MDGA2: variants seen among roughly 807,000 people sequenced by gnomAD.
MDGA2 encodes MAM domain containing glycosylphosphatidylinositol anchor 2.
A neutral mutation model predicts 117.8 loss-of-function variants in MDGA2; 40 were observed. The observed-to-expected ratio is 0.34, with a 90% CI of 0.26 to 0.44. The LOEUF (loss-of-function observed/expected upper bound fraction) is 0.44. MDGA2 is among the 20% of genes least tolerant of loss of function. The pLI, the probability that MDGA2 is intolerant of heterozygous loss-of-function variation, is 1.00. For missense variants in MDGA2, 1,123 were observed against 1,250.6 expected, an observed-to-expected ratio of 0.90 and a Z score of 1.54; for synonymous variants, 452 against 439.0, an observed-to-expected ratio of 1.03 and a Z score of -0.37.
chr14:47,476,928 G>A (rs1045462903), intron 1 of MDGA2, among the ~76,000 whole-genome samples: 2 of 152,158 alleles, frequency 1.3e-5, no homozygotes, highest in Admixed American at 6.5e-5. Context: ...TTGGGAGGCC[G>A]AGGCGGGTGT....
chr14:47,484,354 T>C (rs1009141962), intron 1 of MDGA2, among the ~76,000 whole-genome samples: 1 of 152,194 alleles, frequency 6.6e-6, no homozygotes. Context: ...GGTTGCAAAA[T>C]AAAGTCAAGT....
chr14:46,955,781 TG>T (rs1342669362), intron 9 of MDGA2, among the ~76,000 whole-genome samples: 1 of 120,794 alleles, frequency 8.3e-6, no homozygotes, highest in Non-Finnish European at 1.6e-5. Context: ...ACAAAATTCA[TG>T]GTAAGTGGAA....
At chr14:46,979,741 A>G (rs371481629) in intron 8 of MDGA2, among the ~76,000 whole-genome samples, 30 of 152,304 alleles carry the variant, frequency 2.0e-4, no homozygotes, top group African/African-American at 7.2e-4. Flanking sequence ...TGCAGAAGAA[A>G]AGTTTGAAGC....
rs56176876 is a variant in MDGA2, at chr14:47,456,294, C to CTTT, written c.281-154747_281-154745dup. Reference sequence around the variant, plus strand: ...CAGTGTGAGCAAGAAAATTGTTTACCTTTTTTTTTTTTTTTGAGAAGGAGT... The same window carrying CTTT: ...CAGTGTGAGCAAGAAAATTGTTTACCTTTTTTTTTTTTTTTTTTGAGAAGGAGT... On this transcript the variant is annotated intron_variant, in intron 1 of 16. Transcript: ENST00000399232. 1.9e-3 allele frequency among the ~76,000 whole-genome samples: 270 copies of CTTT among 140,602 alleles called. 8 individuals carry two copies. Among genetic ancestry groups the CTTT allele is most frequent in the East Asian group, 7.4e-3 (35 of 4,718 alleles). 92.2% of individuals were successfully genotyped at this position (140,602 alleles called of 152,430 possible). A position where few individuals can be genotyped will look rare whatever the true frequency, so the allele number is the denominator to read the frequency against.
chr14:47,235,626 G>A (rs1886833454), intron 2 of MDGA2, among the ~76,000 whole-genome samples: 1 of 152,184 alleles, frequency 6.6e-6, no homozygotes, highest in Non-Finnish European at 1.5e-5. Flanking sequence ...AAGAAAAGGG[G>A]ATGGACAATC....
chr14:47,216,563 G>T (rs1008447051), intron 3 of MDGA2, among the ~76,000 whole-genome samples: 1 of 151,976 alleles, frequency 6.6e-6, no homozygotes, highest in African/African-American at 2.4e-5. Flanking sequence ...GCTTATAAAA[G>T]TTACAAACAA....
At chr14:46,918,384 G>C (rs994287851) in intron 10 of MDGA2, among the ~76,000 whole-genome samples, 12 of 152,052 alleles carry the variant, frequency 7.9e-5, no homozygotes, top group African/African-American at 2.9e-4. Context: ...AAATATGAAA[G>C]GTTATAAAAT....
At chr14:47,224,257 A>G (rs1371256021) in intron 2 of MDGA2, among the ~76,000 whole-genome samples, 1 of 134,950 alleles carries the variant, frequency 7.4e-6, no homozygotes, top group African/African-American at 2.6e-5. Context: ...CTCTTATTTC[A>G]GGCCTATTCA....
chr14:47,587,407 G>A (rs184345920), intron 1 of MDGA2, among the ~76,000 whole-genome samples: 91 of 151,532 alleles, frequency 6.0e-4, no homozygotes, highest in African/African-American at 2.1e-3. Context: ...TATAATGAGG[G>A]CATCTAGCTA....
intron 16 of MDGA2, among the ~76,000 whole-genome samples, chr14:46,843,261 G>C (rs1278759533): frequency 6.6e-6 from 1 of 152,028 alleles, no homozygotes; most frequent in Non-Finnish European, 1.5e-5. Context: ...CTTTCTTTCT[G>C]CACTAGGGAG....
chr14:47,280,474 T>C (rs1312287529), intron 2 of MDGA2, among the ~76,000 whole-genome samples: 1 of 152,120 alleles, frequency 6.6e-6, no homozygotes, highest in African/African-American at 2.4e-5. Flanking sequence ...ACATTCAAGG[T>C]TAAACTTTTT....
chr14:46,901,247 T>C (rs1883274498), intron 10 of MDGA2, among the ~76,000 whole-genome samples: 1 of 151,868 alleles, frequency 6.6e-6, no homozygotes, highest in Non-Finnish European at 1.5e-5. Context: ...GACGAGTTAA[T>C]GGGTGCAGCA....
At chr14:47,573,053 T>C (rs908922305) in intron 1 of MDGA2, among the ~76,000 whole-genome samples, 1 of 152,054 alleles carries the variant, frequency 6.6e-6, no homozygotes. Flanking sequence ...TTTTAGCAGA[T>C]CCCTATGAAA....
At chr14:47,410,697 CA>C (rs1892354657) in intron 1 of MDGA2, among the ~76,000 whole-genome samples, 1 of 152,098 alleles carries the variant, frequency 6.6e-6, no homozygotes, top group Non-Finnish European at 1.5e-5. Flanking sequence ...AAAATAACTG[CA>C]AAATGTCCAC....
intron 8 of MDGA2, among the ~76,000 whole-genome samples, chr14:46,965,246 T>C (rs1439800846): frequency 6.6e-6 from 1 of 152,148 alleles, no homozygotes; most frequent in East Asian, 1.9e-4. Context: ...TTATAGATGA[T>C]TTTTGTGAGA....
chr14:47,121,277 G>A (rs2139104581), intron 5 of MDGA2, among the ~76,000 whole-genome samples: 1 of 152,192 alleles, frequency 6.6e-6, no homozygotes, highest in Non-Finnish European at 1.5e-5. Flanking sequence ...ATAAGAACAT[G>A]TTTAGGTTTC....
chr14:47,567,486 T>G (rs184810834), intron 1 of MDGA2, among the ~76,000 whole-genome samples: 1 of 152,326 alleles, frequency 6.6e-6, no homozygotes, highest in East Asian at 1.9e-4. Flanking sequence ...GTCTAGAAAC[T>G]AAATTTCATC....
chr14:47,220,471 T>C (rs1343280064), intron 2 of MDGA2, among the ~76,000 whole-genome samples: 1 of 152,184 alleles, frequency 6.6e-6, no homozygotes, highest in Non-Finnish European at 1.5e-5. Context: ...AGAAATGTCC[T>C]TACAGGGAAG....
At chr14:47,018,733 G>GAAAAAAAAAA (rs60442845) in intron 8 of MDGA2, among the ~76,000 whole-genome samples, 30 of 38,652 alleles carry the variant, frequency 7.8e-4, no homozygotes, top group East Asian at 1.9e-3. Context: ...CCATTTTACT[G>GAAAAAAAAAA]AAAAAAAAAA....
Sources: allele counts gnomAD v4.1 joint callset (sites outside exome capture counted in the v4.1 genomes callset), GRCh38; gene constraint gnomAD v4.1.1; transcripts MANE v1.5; gene names NCBI Gene and HGNC (gene_info 2026-07-23, HGNC 2026-07-21).